GAL3ST3: variants seen among roughly 807,000 people sequenced by gnomAD.
GAL3ST3 encodes the protein beta-galactose-3-O-sulfotransferase 3.
Under a neutral mutation model 20.8 loss-of-function variants are expected in GAL3ST3, and 21 were observed. The observed-to-expected ratio is 1.01, with a 90% confidence interval of 0.72 to 1.45. The LOEUF is 1.45. Among genes scored for constraint, GAL3ST3 ranks in the 40% most tolerant of loss-of-function variants. GAL3ST3 has a pLI of 0.00. For synonymous variants in GAL3ST3, 355 were observed against 307.2 expected, an observed-to-expected ratio of 1.16 and a Z score of -1.63; for missense variants, 739 against 662.7, an observed-to-expected ratio of 1.12 and a Z score of -1.26.
chr11:66,045,580 C>CCCCCAGCAGG, intron 1 of GAL3ST3, 53 bp from the exon 2 acceptor site: 1 of 653,024 alleles, frequency 1.5e-6, no homozygotes, highest in Non-Finnish European at 2.3e-6. Context: ...TGGGATCTGG[C>CCCCCAGCAGG]CCCCAGCAGG....
Position 66,042,916 on chromosome 11 carries a change from C to A in GAL3ST3, c.887G>T (p.Gly296Val). 8.2e-7 allele frequency: 1 copy of A among 1,226,106 alleles called. No homozygotes were observed. The highest frequency in any genetic ancestry group is 1.0e-6 in the Non-Finnish European group (1 of 973,518). 76.0% of individuals were successfully genotyped at this position (1,226,106 alleles called of 1,614,324 possible). A position where few individuals can be genotyped will look rare whatever the true frequency, so the allele number is the denominator to read the frequency against. ...AARTWNALDA[G>V]LYDHFNATFW... ...GGTGGCGTTGAAGTGGTCGTAGAGG[C>A]CGGCGTCCAGGGCGTTCCAGGTGCG... Residue 296 changes from glycine (G) to valine (V), a missense_variant, in exon 3 of 3, where the codon GGC becomes GTC. By Grantham distance (109) the Gly-to-Val change is moderately radical. Coordinates refer to ENST00000312006, the MANE Select transcript of GAL3ST3 (RefSeq NM_033036.3).
intron 1 of GAL3ST3, among the ~76,000 whole-genome samples, chr11:66,048,411 C>T (rs1856803869): frequency 6.6e-6 from 1 of 152,064 alleles, no homozygotes; most frequent in Admixed American, 6.6e-5. Flanking sequence ...GAGCTGAAAC[C>T]GATGCACTTA....
At position 66,045,155 on chromosome 11, in the gene GAL3ST3, G is replaced by A. The variant is rs563124673; in HGVS notation, c.125+136C>T. The A allele has an allele frequency of 4.7e-3, 3,220 of 682,070 alleles. 18 individuals carry two copies. Among genetic ancestry groups the A allele is most frequent in the Non-Finnish European group, 4.9e-3 (2,188 of 443,790 alleles). The allele number at this position is 682,070 out of a possible 1,614,324, so 42.3% of individuals were successfully genotyped here. On this transcript the variant is annotated intron_variant, in intron 2 of 2. Coordinates refer to ENST00000312006, the MANE Select transcript of GAL3ST3 (RefSeq NM_033036.3). The stretch of plus-strand genomic sequence containing the variant: ...GCCCTTTCATTGAAGAGCAGTCCCT[G>A]TCCAGGGAGGCTGTGTGGCCCTAAA...
intron 1 of GAL3ST3, among the ~76,000 whole-genome samples, chr11:66,046,731 T>C (rs970579815): frequency 6.6e-6 from 1 of 152,086 alleles, no homozygotes; most frequent in Non-Finnish European, 1.5e-5. Context: ...CAAGCTAGGG[T>C]GGGGCCTCAG....
chr11:66,044,146 G>A (rs1189388606), intron 2 of GAL3ST3, among the ~76,000 whole-genome samples: 3 of 152,180 alleles, frequency 2.0e-5, no homozygotes, highest in Non-Finnish European at 2.9e-5. Flanking sequence ...AAGACCTGAA[G>A]CCTGTCAAAA....
rs967554433 is a variant in GAL3ST3, at chr11:66,040,921, A to C, written c.*1586T>G. Among the ~76,000 whole-genome samples the C allele has an allele frequency of 6.6e-6, 1 of 152,228 alleles. No homozygotes were observed. The highest frequency in any genetic ancestry group is 1.9e-4 in the East Asian group (1 of 5,204). On this transcript the variant is annotated 3_prime_UTR_variant, in exon 3 of 3. Transcript: ENST00000312006. ...CAGCGTGTCATGCATCCTGCCAATC[A>C]ATCACTGTAATGTCCATTGTCCAAA...
chr11:66,040,947 C>T lies in GAL3ST3; in HGVS notation c.*1560G>A, dbSNP rs1332432533. 1.3e-5 allele frequency among the ~76,000 whole-genome samples: 2 copies of T among 152,218 alleles called. No homozygotes were observed. Among genetic ancestry groups the T allele is most frequent in the African/African-American group, 4.8e-5 (2 of 41,456 alleles). On this transcript the variant is annotated 3_prime_UTR_variant, in exon 3 of 3. Transcript: ENST00000312006. ...ATCACTGTAATGTCCATTGTCCAAACAGGTCAACCGTTGTCTCCATGAAAA... is the reference window on the plus strand; with the variant it reads ...ATCACTGTAATGTCCATTGTCCAAATAGGTCAACCGTTGTCTCCATGAAAA...
At chr11:66,044,772 G>C (rs1856762073) in intron 2 of GAL3ST3, among the ~76,000 whole-genome samples, 1 of 152,184 alleles carries the variant, frequency 6.6e-6, no homozygotes, top group Non-Finnish European at 1.5e-5. Context: ...CTGGCAAGGG[G>C]GGCTGGGCGC....
intron 2 of GAL3ST3, 126 bp from the exon 3 acceptor site, chr11:66,043,803 T>C: frequency 1.2e-6 from 1 of 800,348 alleles, no homozygotes; most frequent in East Asian, 2.7e-5. Context: ...CATGGAAAGG[T>C]CGAGGGCGGT....
rs1231033835 is a variant in GAL3ST3, at chr11:66,042,936, G to A, written c.867C>T (p.Thr289=). 4.8e-6 allele frequency: 6 copies of A among 1,241,494 alleles called. No homozygotes were observed. The East Asian group carries it at 2.4e-4, about 50-fold the overall frequency. The allele number at this position is 1,241,494 out of a possible 1,614,324, so 76.9% of individuals were successfully genotyped here. ...AGAGGCCGGCGTCCAGGGCGTTCCAGGTGCGCGCCGCCCGCGCCAGCGCCG... is the reference window on the plus strand; with the variant it reads ...AGAGGCCGGCGTCCAGGGCGTTCCAAGTGCGCGCCGCCCGCGCCAGCGCCG... ...IPAALARAAR[T]WNALDAGLYD... The change falls in exon 3 of 3, where the codon ACC becomes ACT. Residue 289 remains threonine, a synonymous_variant. Coordinates refer to ENST00000312006, the MANE Select transcript of GAL3ST3 (RefSeq NM_033036.3).
rs1353660503 is a variant in GAL3ST3 at position 66,042,913 on chromosome 11, A to G, written c.890T>C (p.Leu297Pro). Residue 297 changes from leucine (L) to proline (P), a missense_variant, in exon 3 of 3, where the codon CTC (leucine) becomes CCC (proline). Physicochemically the swap from Leu to Pro is moderately conservative, Grantham distance 98. Coordinates refer to ENST00000312006, the MANE Select transcript of GAL3ST3 (RefSeq NM_033036.3). Reference protein sequence around the residue: ...ARTWNALDAGLYDHFNATFWR... With the variant: ...ARTWNALDAGPYDHFNATFWR... Reference sequence around the variant, plus strand: ...GAAGGTGGCGTTGAAGTGGTCGTAGAGGCCGGCGTCCAGGGCGTTCCAGGT... The same window carrying G: ...GAAGGTGGCGTTGAAGTGGTCGTAGGGGCCGGCGTCCAGGGCGTTCCAGGT... The G allele has an allele frequency of 8.2e-7, 1 of 1,221,702 alleles. No individual in the cohort carries two copies. Among genetic ancestry groups the G allele is most frequent in the South Asian group, 1.8e-5 (1 of 55,948 alleles). 75.7% of individuals were successfully genotyped at this position (1,221,702 alleles called of 1,614,324 possible).
Position 66,043,697 on chromosome 11 carries a change from T to G in GAL3ST3, c.126-20A>C. The G allele has an allele frequency of 6.3e-7, 1 of 1,575,954 alleles. No individual in the cohort carries two copies. The highest frequency in any genetic ancestry group is 8.6e-7 in the Non-Finnish European group (1 of 1,157,682). On this transcript the variant is annotated intron_variant, in intron 2 of 2. Coordinates refer to ENST00000312006, the MANE Select transcript of GAL3ST3 (RefSeq NM_033036.3). ...GGGTACCTGCCAGGCCCAGGGAGTG[T>G]GCGGAGAGGAGGGTGTGAGGGGGCT...
At chr11:66,047,221 C>T (rs1856791361) in intron 1 of GAL3ST3, among the ~76,000 whole-genome samples, 2 of 152,022 alleles carry the variant, frequency 1.3e-5, no homozygotes, top group African/African-American at 4.8e-5. Flanking sequence ...AGCCCTTGGC[C>T]CTCTAAGGAT....
chr11:66,044,463 C>G (rs1001190855), intron 2 of GAL3ST3, among the ~76,000 whole-genome samples: 1 of 152,196 alleles, frequency 6.6e-6, no homozygotes, highest in Admixed American at 6.5e-5. Context: ...AGTCTGGAGA[C>G]GACTCACATG....
At chr11:66,048,502 G>C (rs1419808554) in intron 1 of GAL3ST3, among the ~76,000 whole-genome samples, 1 of 151,790 alleles carries the variant, frequency 6.6e-6, no homozygotes, top group Non-Finnish European at 1.5e-5. Context: ...TGACTTGAGG[G>C]ATGGGACAGC....
Position 66,040,889 on chromosome 11 carries a change from T to C in GAL3ST3, c.*1618A>G, listed in dbSNP as rs1856695178. Among the ~76,000 whole-genome samples, 1 of 152,242 alleles carries C rather than the reference T, an allele frequency of 6.6e-6. No homozygotes were observed. The highest frequency in any genetic ancestry group is 1.5e-5 in the Non-Finnish European group (1 of 68,038). On this transcript the variant is annotated 3_prime_UTR_variant, in exon 3 of 3. Transcript: ENST00000312006. ...GGGGTGCCATACAAACAGTCCCTTT[T>C]CAAGCCCAGCGTGTCATGCATCCTG...
Position 66,042,786 on chromosome 11 carries a change from C to T in GAL3ST3, c.1017G>A (p.Glu339=). ...QRLLRRCFGD[E]PLLRPAAQIR... is the part of the protein sequence containing the mutation. Reference sequence around the variant, plus strand: ...TCTGCGCGGCAGGCCGCAGCAGTGGCTCGTCCCCGAAGCAGCGCCGCAGTA... The same window carrying T: ...TCTGCGCGGCAGGCCGCAGCAGTGGTTCGTCCCCGAAGCAGCGCCGCAGTA... The change falls in exon 3 of 3, where the codon GAG becomes GAA. Residue 339 remains glutamate, a synonymous_variant. Transcript: ENST00000312006. 4.7e-6 allele frequency: 7 copies of T among 1,491,638 alleles called. No individual in the cohort carries two copies. The highest frequency in any genetic ancestry group is 6.2e-6 in the Non-Finnish European group (7 of 1,130,544). The allele number at this position is 1,491,638 out of a possible 1,614,324, so 92.4% of individuals were successfully genotyped here.
chr11:66,040,917 A>G lies in GAL3ST3; in HGVS notation c.*1590T>C, dbSNP rs1856695580. The stretch of plus-strand genomic sequence containing the variant: ...AGCCCAGCGTGTCATGCATCCTGCC[A>G]ATCAATCACTGTAATGTCCATTGTC... On this transcript the variant is annotated 3_prime_UTR_variant, in exon 3 of 3. Transcript: ENST00000312006. Among the ~76,000 whole-genome samples the G allele has an allele frequency of 6.6e-6, 1 of 152,236 alleles. No individual in the cohort carries two copies. Among genetic ancestry groups the G allele is most frequent in the South Asian group, 2.1e-4 (1 of 4,832 alleles).
At chr11:66,047,061 C>T (rs1466638212) in intron 1 of GAL3ST3, among the ~76,000 whole-genome samples, 2 of 152,126 alleles carry the variant, frequency 1.3e-5, no homozygotes, top group African/African-American at 2.4e-5. Flanking sequence ...AGACTTAATC[C>T]GGCCGGAGCC....
Sources: allele counts gnomAD v4.1 joint callset (sites outside exome capture counted in the v4.1 genomes callset), GRCh38; gene constraint gnomAD v4.1.1; transcripts MANE v1.5; gene names NCBI Gene and HGNC (gene_info 2026-07-23, HGNC 2026-07-21).